The following TRDMT1 variants were observed in gnomAD, a reference collection of about 807,000 sequenced individuals.
TRDMT1 encodes the protein tRNA (cytosine(38)-C(5))-methyltransferase.
TRDMT1 carries 49 observed loss-of-function variants against 51.2 expected under a neutral mutation model. That is an observed-to-expected ratio of 0.96 (90% CI 0.76 to 1.21). The LOEUF is 1.21. TRDMT1 is among the 50% of genes most tolerant of loss of function. The probability of loss-of-function intolerance (pLI) is 0.00; values close to 1 mark genes in which losing one functional copy is unlikely to be tolerated. For missense variants in TRDMT1, 534 were observed against 462.3 expected, an observed-to-expected ratio of 1.16 and a Z score of -1.42; for synonymous variants, 187 against 164.6, an observed-to-expected ratio of 1.14 and a Z score of -1.04.
At chr10:17,156,089 T>A (rs1380669044) in intron 8 of TRDMT1, among the ~76,000 whole-genome samples, 2 of 152,148 alleles carry the variant, frequency 1.3e-5, no homozygotes, top group Non-Finnish European at 2.9e-5. Flanking sequence ...CTGGTATGGT[T>A]CTACTGGGGT....
rs74117732 is a variant in TRDMT1 at position 17,162,099 on chromosome 10, C to T, written c.323+67G>A. ...TGGCTATCCTCTACAAAATGACAAA[C>T]GTCACATTCTTCCAGACCTGGAGTT... On this transcript the variant is annotated intron_variant, in intron 4 of 10. Coordinates refer to ENST00000377799, the MANE Select transcript of TRDMT1 (RefSeq NM_004412.7). 1,742 of 1,386,408 alleles carry T rather than the reference C, an allele frequency of 1.3e-3. 9 individuals carry two copies. In the African/African-American group the frequency reaches 0.017, roughly 14 times the overall value. 85.9% of individuals were successfully genotyped at this position (1,386,408 alleles called of 1,614,324 possible).
rs368651614 is a variant in TRDMT1 at position 17,162,100 on chromosome 10, G to A, written c.323+66C>T. On this transcript the variant is annotated intron_variant, in intron 4 of 10. Coordinates refer to ENST00000377799, the MANE Select transcript of TRDMT1 (RefSeq NM_004412.7). ...GGCTATCCTCTACAAAATGACAAAC[G>A]TCACATTCTTCCAGACCTGGAGTTT... The A allele has an allele frequency of 3.7e-5, 51 of 1,396,318 alleles. No homozygotes were observed. The South Asian group carries it at 4.6e-4, about 13-fold the overall frequency. The allele number at this position is 1,396,318 out of a possible 1,614,324, so 86.5% of individuals were successfully genotyped here. A position where few individuals can be genotyped will look rare whatever the true frequency, so the allele number is the denominator to read the frequency against.
At chr10:17,180,592 T>C (rs1843169470) in intron 1 of TRDMT1, among the ~76,000 whole-genome samples, 1 of 151,592 alleles carries the variant, frequency 6.6e-6, no homozygotes, top group Non-Finnish European at 1.5e-5. Context: ...GAAAACCTGA[T>C]TTGTGGGAAT....
intron 1 of TRDMT1, among the ~76,000 whole-genome samples, chr10:17,195,924 AGG>A (rs1845351087): frequency 6.6e-6 from 1 of 152,204 alleles, no homozygotes; most frequent in Admixed American, 6.5e-5. Context: ...TCCCAAAGAC[AGG>A]TATGTATAAC....
At position 17,142,656 on chromosome 10, in the gene TRDMT1, G is replaced by A. The variant is rs1837778838; in HGVS notation, c.*6384C>T. On this transcript the variant is annotated 3_prime_UTR_variant, in exon 11 of 11. Transcript: ENST00000377799. ...GTGCTGGTAGAGCCAGACTCATCTGGTATTACCGACCAGACTTCAGTTCCC... is the reference window on the plus strand; with the variant it reads ...GTGCTGGTAGAGCCAGACTCATCTGATATTACCGACCAGACTTCAGTTCCC... 1 of 152,214 alleles carries A rather than the reference G, an allele frequency of 6.6e-6. No homozygotes were observed. The highest frequency in any genetic ancestry group is 2.4e-5 in the African/African-American group (1 of 41,424). 9.4% of individuals were successfully genotyped at this position (152,214 alleles called of 1,614,324 possible).
intron 1 of TRDMT1, among the ~76,000 whole-genome samples, chr10:17,178,042 T>A (rs572190327): frequency 8.5e-5 from 13 of 152,280 alleles, no homozygotes; most frequent in African/African-American, 2.6e-4. Context: ...GAAAGAAAAT[T>A]AAGGCATAAC....
chr10:17,172,155 C>A (rs10795454), intron 2 of TRDMT1: 105,787 of 161,952 alleles, frequency 0.65, 34,941 homozygotes, highest in Non-Finnish European at 0.68. Flanking sequence ...GAAAAACATA[C>A]AGAGCACATC....
At chr10:17,184,672 A>G (rs757563285) in intron 1 of TRDMT1, among the ~76,000 whole-genome samples, 45 of 152,166 alleles carry the variant, frequency 3.0e-4, no homozygotes, top group Non-Finnish European at 5.9e-4. Context: ...AAGTTTTACA[A>G]TTTTGCACTA....
Position 17,154,753 on chromosome 10 carries a change from A to G in TRDMT1, c.888-19T>C. The G allele has an allele frequency of 6.3e-7, 1 of 1,595,562 alleles. No homozygotes were observed. Among genetic ancestry groups the G allele is most frequent in the Non-Finnish European group, 8.5e-7 (1 of 1,171,980 alleles). ...TCCATATCTGAAAAATCAACACAACAATTATGCAGCACCTGATGTATGTGT... is the reference window on the plus strand; with the variant it reads ...TCCATATCTGAAAAATCAACACAACGATTATGCAGCACCTGATGTATGTGT... On this transcript the variant is annotated intron_variant, in intron 8 of 10. Coordinates refer to ENST00000377799, the MANE Select transcript of TRDMT1 (RefSeq NM_004412.7).
In TRDMT1 at chr10:17,159,139, A is replaced by T. The variant is rs778672796; in HGVS notation, c.543+7T>A. On this transcript the variant is annotated splice_region_variant and intron_variant, in intron 7 of 10. Coordinates refer to ENST00000377799, the MANE Select transcript of TRDMT1 (RefSeq NM_004412.7). ...TAATATTCATAATAAAATTCCAATA[A>T]TAATACCTGACCAGGGGCTTGAAAG... is the stretch of plus-strand genomic sequence containing the variant. The T allele has an allele frequency of 3.2e-6, 5 of 1,557,940 alleles. No individual in the cohort carries two copies. Among genetic ancestry groups the T allele is most frequent in the African/African-American group, 1.4e-5 (1 of 72,642 alleles).
intron 8 of TRDMT1, among the ~76,000 whole-genome samples, chr10:17,156,859 A>G (rs1839590149): frequency 6.6e-6 from 1 of 152,232 alleles, no homozygotes; most frequent in African/African-American, 2.4e-5. Context: ...AAGATTATAC[A>G]GTAAACTGAT....
chr10:17,191,803 A>C (rs1401194198), intron 1 of TRDMT1, among the ~76,000 whole-genome samples: 1 of 151,988 alleles, frequency 6.6e-6, no homozygotes, highest in African/African-American at 2.4e-5. Flanking sequence ...AGTCCCCCCA[A>C]AGCGTGACTC....
At chr10:17,149,673 A>C (rs1838439507) in intron 10 of TRDMT1, among the ~76,000 whole-genome samples, 1 of 152,060 alleles carries the variant, frequency 6.6e-6, no homozygotes, top group Admixed American at 6.6e-5. Context: ...CCAACCATTA[A>C]TCTACTTTCT....
chr10:17,145,716 A>T lies in TRDMT1; in HGVS notation c.*3324T>A, dbSNP rs1838047052. ...CTTATTGTGTTATCTTGGCTTTTTT[A>T]GAAACCGCTTGTTTCTAAACTCTTA... On this transcript the variant is annotated 3_prime_UTR_variant, in exon 11 of 11. Transcript: ENST00000377799. The T allele has an allele frequency of 2.0e-6, 2 of 985,328 alleles. 1 individual carries two copies. Among genetic ancestry groups the T allele is most frequent in the African/African-American group, 3.5e-5 (2 of 57,246 alleles). The allele number at this position is 985,328 out of a possible 1,614,324, so 61.0% of individuals were successfully genotyped here.
Position 17,201,570 on chromosome 10 carries a change from C to T in TRDMT1, c.64+1G>A. ...GAGAGGGGTGCTAGATGGACTCTCA[C>T]CTCTCAGCGCGTGGTGCATGCCGCC... On this transcript the variant is annotated splice_donor_variant, in intron 1 of 10. Transcript: ENST00000377799. LOFTEE classifies it high-confidence loss of function. The T allele has an allele frequency of 6.5e-7, 1 of 1,549,890 alleles. No individual in the cohort carries two copies. Among genetic ancestry groups the T allele is most frequent in the Non-Finnish European group, 8.7e-7 (1 of 1,146,254 alleles).
At chr10:17,163,410 G>C (rs1840704407) in intron 3 of TRDMT1, among the ~76,000 whole-genome samples, 1 of 152,132 alleles carries the variant, frequency 6.6e-6, no homozygotes, top group Admixed American at 6.6e-5. Flanking sequence ...AAGCCCACAA[G>C]AGAAAACAGG....
chr10:17,153,519 G>C lies in TRDMT1; in HGVS notation c.1063C>G (p.Pro355Ala), dbSNP rs1265092922. The stretch of plus-strand genomic sequence containing the variant: ...GTATCCCACATACCGAACTCTGGAG[G>C]AAATCCAAGGAGATTTGCTATTTCT... ...PKEIANLLGF[P>A]PEFGFPEKIT... The change falls in exon 10 of 11, where the codon CCT becomes GCT. Residue 355 changes from proline (P) to alanine (A), a missense_variant. By Grantham distance (27) the Pro-to-Ala change is conservative (BLOSUM62 -1). Coordinates refer to ENST00000377799, the MANE Select transcript of TRDMT1 (RefSeq NM_004412.7). The C allele has an allele frequency of 1.9e-6, 3 of 1,613,906 alleles. No individual in the cohort carries two copies. The highest frequency in any genetic ancestry group is 2.5e-6 in the Non-Finnish European group (3 of 1,179,972).
At chr10:17,168,028 G>GC (rs1348061913) in intron 3 of TRDMT1, among the ~76,000 whole-genome samples, 1 of 152,102 alleles carries the variant, frequency 6.6e-6, no homozygotes, top group African/African-American at 2.4e-5. Flanking sequence ...TGGAGGCTGG[G>GC]CATGGTGGCT....
At chr10:17,191,012 G>A (rs1844611881) in intron 1 of TRDMT1, among the ~76,000 whole-genome samples, 1 of 152,228 alleles carries the variant, frequency 6.6e-6, no homozygotes, top group Non-Finnish European at 1.5e-5. Context: ...CAACCTGGAA[G>A]AGATGAGGGG....
Sources: allele counts gnomAD v4.1 joint callset (sites outside exome capture counted in the v4.1 genomes callset), GRCh38; gene constraint gnomAD v4.1.1; transcripts MANE v1.5; gene names NCBI Gene and HGNC (gene_info 2026-07-23, HGNC 2026-07-21).